LSS: variants seen among roughly 807,000 people sequenced by gnomAD.
LSS encodes the protein 2,3-epoxysqualene-lanosterol cyclase.
A neutral mutation model predicts 110.3 loss-of-function variants in LSS; 90 were observed. That is an observed-to-expected ratio of 0.82 (90% CI 0.69 to 0.97). LSS has a LOEUF of 0.97. Among genes scored for constraint, LSS ranks in the 50% least tolerant of loss-of-function variants. The pLI, the probability that LSS is intolerant of heterozygous loss-of-function variation, is 0.00. For missense variants in LSS, 927 were observed against 990.0 expected, an observed-to-expected ratio of 0.94 and a Z score of 0.85; for synonymous variants, 433 against 400.0, an observed-to-expected ratio of 1.08 and a Z score of -0.98.
chr21:46,205,529 C>T (rs1311668132), intron 17 of LSS, among the ~76,000 whole-genome samples: 1 of 152,220 alleles, frequency 6.6e-6, no homozygotes, highest in Non-Finnish European at 1.5e-5. Context: ...TACCCTTCAA[C>T]AGGAAAGGTT....
At chr21:46,191,841 C>T (rs760356994) in intron 21 of LSS, 40 bp downstream of exon 21, 2 of 1,555,694 alleles carry the variant, frequency 1.3e-6, no homozygotes, top group African/African-American at 2.7e-5. Flanking sequence ...CGCTGGAGGT[C>T]AGTGCTGGGC....
rs779278810 is a variant in LSS, at chr21:46,189,828, A to ACTTTCTG, written c.*1275_*1276insCAGAAAG. 2.3e-6 allele frequency: 1 copy of ACTTTCTG among 425,992 alleles called. No individual in the cohort carries two copies. Among genetic ancestry groups the ACTTTCTG allele is most frequent in the South Asian group, 1.7e-5 (1 of 59,178 alleles). The allele number at this position is 425,992 out of a possible 1,614,324, so 26.4% of individuals were successfully genotyped here. A position where few individuals can be genotyped will look rare whatever the true frequency, so the allele number is the denominator to read the frequency against. ...AACGAAGCTCTCAGTGACTCCTCCC[A>ACTTTCTG]GTAGCCAGGGGAGAGCAGTGACAGT... is the stretch of plus-strand genomic sequence containing the variant. On this transcript the variant is annotated 3_prime_UTR_variant, in exon 22 of 22. Coordinates refer to ENST00000397728, the MANE Select transcript of LSS (RefSeq NM_002340.6).
At chr21:46,213,611 G>A (rs1451293901) in intron 10 of LSS, 127 bp downstream of exon 10, 1 of 725,982 alleles carries the variant, frequency 1.4e-6, no homozygotes, top group East Asian at 2.7e-5. Context: ...TGACACTGCT[G>A]GTTCCTGGAG....
At chr21:46,208,167 C>G in intron 14 of LSS, 84 bp downstream of exon 14, 1 of 1,321,960 alleles carries the variant, frequency 7.6e-7, no homozygotes, top group Non-Finnish European at 1.1e-6. Flanking sequence ...AGGGAGGAGC[C>G]CCCCCTTCAG....
In LSS at chr21:46,209,495, G is replaced by C. The variant is rs1438174948; in HGVS notation, c.1266+59C>G. 4 of 1,483,612 alleles carry C rather than the reference G, an allele frequency of 2.7e-6. No homozygotes were observed. Among genetic ancestry groups the C allele is most frequent in the Non-Finnish European group, 3.7e-6 (4 of 1,093,352 alleles). The allele number at this position is 1,483,612 out of a possible 1,614,324, so 91.9% of individuals were successfully genotyped here. Reference sequence around the variant, plus strand: ...GTGAGGTGGGCACTTCTGCCTGCAGGAGCTCCCAGCCCTGATCCCCCTCTT... The same window carrying C: ...GTGAGGTGGGCACTTCTGCCTGCAGCAGCTCCCAGCCCTGATCCCCCTCTT... On this transcript the variant is annotated intron_variant, in intron 13 of 21. Coordinates refer to ENST00000397728, the MANE Select transcript of LSS (RefSeq NM_002340.6). This position sits in a 1 kb window ranked among gnomAD's most constrained non-coding sequence, Gnocchi z 4.4.
At position 46,213,756 on chromosome 21, in the gene LSS, C is replaced by T; in HGVS notation, c.1091G>A (p.Arg364Lys). ...ASTAFQEHVS[R>K]IPDYLWMGLD... ...CACTCACCAGAGATAGTCCGGGATT[C>T]TGGAGACATGCTCCTGGAAGGCAGT... Residue 364 changes from arginine (R) to lysine (K), a missense_variant, in exon 10 of 22, where the codon AGA (arginine) becomes AAA (lysine). Transcript: ENST00000397728. 6.2e-7 allele frequency: 1 copy of T among 1,614,006 alleles called. No individual in the cohort carries two copies. The highest frequency in any genetic ancestry group is 8.5e-7 in the Non-Finnish European group (1 of 1,179,970).
intron 7 of LSS, among the ~76,000 whole-genome samples, 162 bp from the exon 8 acceptor site, chr21:46,215,955 C>A (rs2080202264): frequency 6.6e-6 from 1 of 152,218 alleles, no homozygotes; most frequent in East Asian, 1.9e-4. Flanking sequence ...CATGAAGGCC[C>A]CCTATGGGAG....
chr21:46,219,597 C>A (rs368251963), intron 5 of LSS, 25 bp from the exon 6 acceptor site: 4 of 1,445,706 alleles, frequency 2.8e-6, no homozygotes, highest in Admixed American at 2.0e-5. Context: ...AATAGGCCCA[C>A]GTCATCTGCT....
At chr21:46,191,789 C>T in intron 21 of LSS, 92 bp downstream of exon 21, 1 of 1,117,478 alleles carries the variant, frequency 8.9e-7, no homozygotes, top group Non-Finnish European at 1.3e-6. Flanking sequence ...CAAAGTACCC[C>T]AAAAAGGACA....
At chr21:46,202,137 G>A (rs1244529432) in intron 17 of LSS, among the ~76,000 whole-genome samples, 20 of 136,038 alleles carry the variant, frequency 1.5e-4, no homozygotes, top group African/African-American at 5.3e-4. Context: ...GCTCACGCCT[G>A]TAATCCCAGC....
chr21:46,198,887 A>G (rs1419907704), intron 17 of LSS, among the ~76,000 whole-genome samples: 1 of 151,442 alleles, frequency 6.6e-6, no homozygotes, highest in Non-Finnish European at 1.5e-5. Context: ...CACAAAAGTT[A>G]ACTCAAAATG....
intron 9 of LSS, 55 bp downstream of exon 9, chr21:46,215,125 C>G (rs1601438507): frequency 1.3e-6 from 2 of 1,486,042 alleles, no homozygotes; most frequent in African/African-American, 2.8e-5. Flanking sequence ...TAGGACTTCA[C>G]TTTCGGACCT....
rs568635674 is a variant in LSS at position 46,197,806 on chromosome 21, G to A, written c.1671-1539C>T. ...CGGGAGGCTGAGGCAGGAGAATGGC[G>A]TGAATCCGGGAGGCAGAGCTTGCGG... On this transcript the variant is annotated intron_variant, in intron 17 of 21. Transcript: ENST00000397728. Among the ~76,000 whole-genome samples, 28 of 151,694 alleles carry A rather than the reference G, an allele frequency of 1.8e-4. No homozygotes were observed. In the South Asian group the frequency reaches 4.6e-3, roughly 25 times the overall value.
At chr21:46,211,716 G>T (rs570168272) in intron 11 of LSS, among the ~76,000 whole-genome samples, 1 of 152,162 alleles carries the variant, frequency 6.6e-6, no homozygotes, top group Non-Finnish European at 1.5e-5. Flanking sequence ...CAATGGGATC[G>T]AGCCTCAGGG....
At position 46,217,286 on chromosome 21, in the gene LSS, G is replaced by A. The variant is rs191631197; in HGVS notation, c.648-762C>T. 2.1e-4 allele frequency among the ~76,000 whole-genome samples: 31 copies of A among 151,194 alleles called. No homozygotes were observed. The East Asian group carries it at 4.3e-3, about 21-fold the overall frequency. On this transcript the variant is annotated intron_variant, in intron 6 of 21. Coordinates refer to ENST00000397728, the MANE Select transcript of LSS (RefSeq NM_002340.6). ...AAGAAAAAGAAAGAAAAAAGAAACT[G>A]TAGGTCTGTGGAATCTCCCCAAGGC...
At chr21:46,215,036 G>T in intron 9 of LSS, 144 bp downstream of exon 9, 2 of 705,500 alleles carry the variant, frequency 2.8e-6, no homozygotes, top group Non-Finnish European at 2.5e-6. Context: ...TCAGACACTT[G>T]TGCGATCAGA....
chr21:46,228,109 A>G (rs1401056736), intron 2 of LSS, among the ~76,000 whole-genome samples: 1 of 152,260 alleles, frequency 6.6e-6, no homozygotes, highest in Non-Finnish European at 1.5e-5. Context: ...AAAATCTCTT[A>G]CAATGCACAC....
chr21:46,193,206 G>A (rs1032046175), intron 20 of LSS: 1 of 449,258 alleles, frequency 2.2e-6, no homozygotes, highest in African/African-American at 2.1e-5. Flanking sequence ...ATGGGATGCT[G>A]TGGGTGTATC....
chr21:46,221,373 T>C (rs1054959761), intron 5 of LSS, among the ~76,000 whole-genome samples: 11 of 152,158 alleles, frequency 7.2e-5, no homozygotes, highest in African/African-American at 2.2e-4. Flanking sequence ...TTTATTTTAT[T>C]AGAGACAGGG....
Sources: allele counts gnomAD v4.1 joint callset (sites outside exome capture counted in the v4.1 genomes callset), GRCh38; gene constraint gnomAD v4.1.1; non-coding constraint Gnocchi (gnomAD v3.1); transcripts MANE v1.5; gene names NCBI Gene and HGNC (gene_info 2026-07-23, HGNC 2026-07-21).